MEGF11: variants seen among roughly 807,000 people sequenced by gnomAD.
MEGF11 encodes multiple EGF like domains 11.
A neutral mutation model predicts 146.6 loss-of-function variants in MEGF11; 126 were observed. The ratio of observed to expected loss-of-function variants is 0.86; its 90% CI spans 0.74 to 1.00. The LOEUF (loss-of-function observed/expected upper bound fraction) is 1.00, where lower values mean the gene tolerates loss of function less well. Among genes scored for constraint, MEGF11 ranks in the 50% least tolerant of loss-of-function variants. The probability of loss-of-function intolerance (pLI) is 0.00; values close to 1 mark genes in which losing one functional copy is unlikely to be tolerated. For missense variants in MEGF11, 1,509 were observed against 1,521.2 expected (o/e 0.99, Z 0.13); for synonymous variants, 532 against 583.4 (o/e 0.91, Z 1.27).
intron 1 of MEGF11, among the ~76,000 whole-genome samples, chr15:66,210,366 T>C (rs576998956): frequency 1.8e-3 from 267 of 152,294 alleles, no homozygotes; most frequent in Non-Finnish European, 3.0e-3. Flanking sequence ...CCTTAAGTGT[T>C]GACCCTAAGT....
intron 5 of MEGF11, among the ~76,000 whole-genome samples, chr15:66,080,408 T>G (rs1423781023): frequency 6.6e-6 from 1 of 151,910 alleles, no homozygotes; most frequent in Admixed American, 6.5e-5. Context: ...TGCCCTCCCA[T>G]GATGGCCTCG....
intron 5 of MEGF11, among the ~76,000 whole-genome samples, chr15:66,035,717 A>G (rs1289683861): frequency 6.6e-6 from 1 of 152,276 alleles, no homozygotes; most frequent in Non-Finnish European, 1.5e-5. Context: ...ACAAATTGTC[A>G]GTACAACCGA....
chr15:66,172,152 G>T (rs2090276396), intron 1 of MEGF11, among the ~76,000 whole-genome samples: 1 of 152,338 alleles, frequency 6.6e-6, no homozygotes, highest in East Asian at 1.9e-4. Context: ...CCAGGACTAG[G>T]CTGGAGTCGG....
chr15:66,143,146 T>C (rs2089232886), intron 1 of MEGF11, among the ~76,000 whole-genome samples: 1 of 152,220 alleles, frequency 6.6e-6, no homozygotes, highest in African/African-American at 2.4e-5. Context: ...AATCTATGAT[T>C]GGATCAATGA....
intron 1 of MEGF11, among the ~76,000 whole-genome samples, chr15:66,151,303 C>T (rs74970485): frequency 0.011 from 1,608 of 152,276 alleles, 35 homozygotes; most frequent in African/African-American, 0.036. Flanking sequence ...CCTTCTTCCT[C>T]GGCACACACA....
intron 1 of MEGF11, among the ~76,000 whole-genome samples, chr15:66,170,465 T>C (rs2090219183): frequency 6.6e-6 from 1 of 152,210 alleles, no homozygotes; most frequent in Non-Finnish European, 1.5e-5. Flanking sequence ...CAATCTGAGC[T>C]GAATCCACTC....
At chr15:65,967,265 TA>T (rs1484855842) in intron 8 of MEGF11, 1 of 152,212 alleles carries the variant, frequency 6.6e-6, no homozygotes, top group Admixed American at 6.5e-5. Context: ...ACAGTTCTTA[TA>T]ACAGAGCCCA....
chr15:66,211,751 A>G (rs1224252978), intron 1 of MEGF11, among the ~76,000 whole-genome samples: 2 of 151,654 alleles, frequency 1.3e-5, no homozygotes, highest in Non-Finnish European at 2.9e-5. Flanking sequence ...CCTGACCCAC[A>G]TGGTACACAA....
chr15:66,050,837 C>T lies in MEGF11; in HGVS notation c.394+43565G>A, dbSNP rs58887169. The stretch of plus-strand genomic sequence containing the variant: ...ACATAATCCCATATGTGCCAGGGAT[C>T]AGCCAAGCACTCACCCTGGGATTGC... On this transcript the variant is annotated intron_variant, in intron 5 of 25. Coordinates refer to ENST00000395614, the MANE Select transcript of MEGF11 (RefSeq NM_001385028.1). Among the ~76,000 whole-genome samples, 1,500 of 152,352 alleles carry T rather than the reference C, an allele frequency of 9.8e-3. 25 individuals carry two copies. The highest frequency in any genetic ancestry group is 0.034 in the African/African-American group (1,404 of 41,582).
intron 5 of MEGF11, among the ~76,000 whole-genome samples, chr15:66,006,243 G>A (rs2082517088): frequency 1.3e-5 from 2 of 152,162 alleles, no homozygotes; most frequent in Admixed American, 6.5e-5. Flanking sequence ...TCTGGCTGCT[G>A]TTCTAACACA....
intron 5 of MEGF11, among the ~76,000 whole-genome samples, chr15:66,039,252 G>T (rs2083852919): frequency 6.6e-6 from 1 of 152,170 alleles, no homozygotes; most frequent in Non-Finnish European, 1.5e-5. Flanking sequence ...GGTCAGCAAG[G>T]ATAAATGCTC....
intron 1 of MEGF11, among the ~76,000 whole-genome samples, chr15:66,157,217 A>C (rs575520213): frequency 2.9e-4 from 44 of 152,330 alleles, no homozygotes; most frequent in African/African-American, 1.0e-3. Context: ...GTCTAGTGAC[A>C]TCTCCACGGG....
chr15:66,004,689 A>G (rs1275187482), intron 5 of MEGF11, among the ~76,000 whole-genome samples: 1 of 151,988 alleles, frequency 6.6e-6, no homozygotes, highest in Admixed American at 6.5e-5. Flanking sequence ...CCCACTGCAA[A>G]AGGTATTCAA....
chr15:66,061,983 C>T (rs1204273686), intron 5 of MEGF11, among the ~76,000 whole-genome samples: 1 of 152,190 alleles, frequency 6.6e-6, no homozygotes, highest in Non-Finnish European at 1.5e-5. Flanking sequence ...TGGTCTTGAA[C>T]TTCTAGGCTC....
At chr15:66,199,408 G>A (rs1006635921) in intron 1 of MEGF11, among the ~76,000 whole-genome samples, 4 of 151,910 alleles carry the variant, frequency 2.6e-5, no homozygotes, top group South Asian at 2.1e-4. Flanking sequence ...TCTCCACTCC[G>A]CTGCTATTTG....
chr15:66,041,507 G>T (rs560524834), intron 5 of MEGF11, among the ~76,000 whole-genome samples: 1 of 152,352 alleles, frequency 6.6e-6, no homozygotes, highest in African/African-American at 2.4e-5. Flanking sequence ...ATTGCACTAG[G>T]TGCCTCCGAT....
chr15:65,948,725 AT>A (rs1377852396), intron 10 of MEGF11, among the ~76,000 whole-genome samples: 1 of 152,342 alleles, frequency 6.6e-6, no homozygotes, highest in Non-Finnish European at 1.5e-5. Context: ...AGTGCCATTA[AT>A]TATCCTGTTT....
At chr15:66,163,414 A>G (rs1166614582) in intron 1 of MEGF11, among the ~76,000 whole-genome samples, 2 of 152,150 alleles carry the variant, frequency 1.3e-5, no homozygotes, top group African/African-American at 2.4e-5. Context: ...TGTGAACTGA[A>G]GTGGAGGAGC....
intron 23 of MEGF11, 93 bp from the exon 24 acceptor site, chr15:65,906,234 C>T (rs559687019): frequency 5.8e-6 from 5 of 863,422 alleles, no homozygotes; most frequent in African/African-American, 3.4e-5. Flanking sequence ...TTTTCCCCCC[C>T]CTTCTCCCCT....
Sources: allele counts gnomAD v4.1 joint callset (sites outside exome capture counted in the v4.1 genomes callset), GRCh38; gene constraint gnomAD v4.1.1; transcripts MANE v1.5; gene names NCBI Gene and HGNC (gene_info 2026-07-23, HGNC 2026-07-21).